The following FANCA variants were observed in gnomAD, a reference collection of about 807,000 sequenced individuals.
FANCA encodes Fanconi anemia group A protein.
Under a neutral mutation model 194.3 loss-of-function variants are expected in FANCA, and 236 were observed. The observed-to-expected ratio is 1.21, with a 90% confidence interval of 1.09 to 1.35. The LOEUF is 1.35. Among genes scored for constraint, FANCA ranks in the 40% most tolerant of loss-of-function variants. FANCA has a pLI of 0.00. For synonymous variants in FANCA, 1,014 were observed against 715.8 expected, an observed-to-expected ratio of 1.42 and a Z score of -6.65; for missense variants, 2,628 against 1,813.9, an observed-to-expected ratio of 1.45 and a Z score of -8.15.
At chr16:89,758,786 G>C in intron 29 of FANCA, 81 bp from the exon 30 acceptor site, 2 of 1,591,314 alleles carry the variant, frequency 1.3e-6, no homozygotes, top group South Asian at 1.1e-5. Flanking sequence ...TAGGCCCATA[G>C]TAAGGGACAC....
chr16:89,741,136 G>A (rs192157973), intron 37 of FANCA, among the ~76,000 whole-genome samples: 60 of 152,312 alleles, frequency 3.9e-4, no homozygotes, highest in African/African-American at 1.3e-3. Context: ...GACTGCTGCG[G>A]TCTCCTTGGC....
chr16:89,816,278 A>C, intron 1 of FANCA: 4 of 251,104 alleles, frequency 1.6e-5, no homozygotes, highest in Admixed American at 5.7e-5. Context: ...CCCGCCTGAC[A>C]GGGCGGCCGG....
chr16:89,769,919 G>A lies in FANCA; in HGVS notation c.2422C>T (p.Pro808Ser). ...LPEVDVGPPA[P>S]GAGLPVPALF... ...GCAGGGACAGGAAGGCCAGCACCAG[G>A]TGCAGGAGGACCCACATCCACCTCT... Residue 808 changes from proline to serine, a missense_variant, in exon 26 of 43, where the codon CCT becomes TCT. By Grantham distance (74) the Pro-to-Ser change is moderately conservative (BLOSUM62 -1). Coordinates refer to ENST00000389301, the MANE Select transcript of FANCA (RefSeq NM_000135.4). 6.2e-6 allele frequency: 10 copies of A among 1,614,054 alleles called. No homozygotes were observed. The highest frequency in any genetic ancestry group is 1.1e-5 in the South Asian group (1 of 91,084).
chr16:89,757,588 A>G (rs879415070), intron 30 of FANCA, among the ~76,000 whole-genome samples: 20 of 152,206 alleles, frequency 1.3e-4, no homozygotes, highest in Non-Finnish European at 2.6e-4. Flanking sequence ...GGCAGGAGAC[A>G]TGGGGGGAAG....
intron 29 of FANCA, among the ~76,000 whole-genome samples, chr16:89,760,415 CA>C (rs1567611155): frequency 6.6e-6 from 1 of 152,216 alleles, no homozygotes; most frequent in Non-Finnish European, 1.5e-5. Context: ...GACAGTGCTG[CA>C]TGTGCCTGGA....
In FANCA at chr16:89,738,935, G is replaced by C; in HGVS notation, c.4207C>G (p.Leu1403Val). 1 of 1,614,250 alleles carries C rather than the reference G, an allele frequency of 6.2e-7. No individual in the cohort carries two copies. Among genetic ancestry groups the C allele is most frequent in the Non-Finnish European group, 8.5e-7 (1 of 1,180,048 alleles). The change falls in exon 42 of 43, where the codon CTG becomes GTG. Residue 1403 changes from leucine (L) to valine (V), a missense_variant. Leu to Val is a conservative substitution (Grantham distance 32). Coordinates refer to ENST00000389301, the MANE Select transcript of FANCA (RefSeq NM_000135.4). ...VELITKARLFLLQLIPRCPKK... is the reference protein window; with the variant it reads ...VELITKARLFVLQLIPRCPKK... Reference sequence around the variant, plus strand: ...GGGCACCGAGGTATTAACTGCAGCAGAAAAAGACGAGCTTTTGTTATCAGT... The same window carrying C: ...GGGCACCGAGGTATTAACTGCAGCACAAAAAGACGAGCTTTTGTTATCAGT...
chr16:89,748,876 T>C, intron 32 of FANCA, 109 bp from the exon 33 acceptor site: 1 of 870,714 alleles, frequency 1.1e-6, no homozygotes, highest in Non-Finnish European at 1.9e-6. Flanking sequence ...CCAGGGCCAC[T>C]GTTGGAACCA....
rs756827151 is a variant in FANCA at position 89,746,813 on chromosome 16, G to A, written c.3408+18C>T. The A allele has an allele frequency of 1.9e-6, 3 of 1,569,480 alleles. No homozygotes were observed. The highest frequency in any genetic ancestry group is 2.7e-5 in the African/African-American group (2 of 73,690). ...GCGTTCTGAGAAGGCCACGAGAGGG[G>A]CTGAGGGAGCATCTCACCCTGAAGA... On this transcript the variant is annotated intron_variant, in intron 34 of 42. Coordinates refer to ENST00000389301, the MANE Select transcript of FANCA (RefSeq NM_000135.4).
chr16:89,760,062 G>C (rs1169665073), intron 29 of FANCA, among the ~76,000 whole-genome samples: 2 of 152,246 alleles, frequency 1.3e-5, no homozygotes, highest in African/African-American at 4.8e-5. Context: ...GGCACAGAAT[G>C]TATCTAAGTA....
chr16:89,803,036 T>C (rs901161273), intron 8 of FANCA, among the ~76,000 whole-genome samples: 18 of 152,198 alleles, frequency 1.2e-4, no homozygotes, highest in Admixed American at 1.2e-3. Flanking sequence ...AACTGCAACA[T>C]GTGAAATGTT....
At chr16:89,812,670 A>AAAAAAAAAAAAAAAAAAAAAAAT (rs1567655807) in intron 3 of FANCA, among the ~76,000 whole-genome samples, 1 of 148,814 alleles carries the variant, frequency 6.7e-6, no homozygotes, top group Non-Finnish European at 1.5e-5. Context: ...AAAAAAAAAA[A>AAAAAAAAAAAAAAAAAAAAAAAT]CTGTTAACTG....
intron 17 of FANCA, among the ~76,000 whole-genome samples, chr16:89,781,181 G>A (rs769607856): frequency 1.3e-5 from 2 of 151,716 alleles, no homozygotes; most frequent in African/African-American, 4.8e-5. Context: ...TGGCTAACAC[G>A]GTGAAACCCC....
chr16:89,781,349 A>G lies in FANCA; in HGVS notation c.1627-1392T>C, dbSNP rs538657733. On this transcript the variant is annotated intron_variant, in intron 17 of 42. Coordinates refer to ENST00000389301, the MANE Select transcript of FANCA (RefSeq NM_000135.4). ...ACTGCACTCCAGCCTGGGCAATAGA[A>G]CGAGACTCCATTCCAAAAAAAAAAA... is the stretch of plus-strand genomic sequence containing the variant. Among the ~76,000 whole-genome samples, 1,028 of 103,612 alleles carry G rather than the reference A, an allele frequency of 9.9e-3. 10 individuals carry two copies. The highest frequency in any genetic ancestry group is 0.019 in the Admixed American group (191 of 10,198). The allele number at this position is 103,612 out of a possible 152,430, so 68.0% of individuals were successfully genotyped here.
chr16:89,751,037 A>G (rs1457294705), intron 31 of FANCA, among the ~76,000 whole-genome samples: 1 of 152,064 alleles, frequency 6.6e-6, no homozygotes, highest in Non-Finnish European at 1.5e-5. Flanking sequence ...GACTATAGGT[A>G]CACACCACCA....
chr16:89,809,028 C>G (rs1204511276), intron 5 of FANCA, among the ~76,000 whole-genome samples: 3 of 152,004 alleles, frequency 2.0e-5, no homozygotes, highest in Non-Finnish European at 4.4e-5. Flanking sequence ...GCCTCAGCCT[C>G]CTGAGTAGCT....
intron 21 of FANCA, among the ~76,000 whole-genome samples, chr16:89,774,409 T>C (rs976416780): frequency 2.0e-5 from 3 of 151,894 alleles, no homozygotes; most frequent in African/African-American, 7.3e-5. Flanking sequence ...CCCTGTGGCA[T>C]CCCCAGCACA....
intron 39 of FANCA, 47 bp from the exon 40 acceptor site, chr16:89,739,600 A>G (rs370549589): frequency 3.9e-6 from 6 of 1,541,398 alleles, no homozygotes; most frequent in African/African-American, 2.7e-5. Context: ...ATCTCTGCCT[A>G]TTATCAGTGC....
intron 7 of FANCA, among the ~76,000 whole-genome samples, chr16:89,804,030 G>A (rs2040549144): frequency 6.6e-6 from 1 of 152,158 alleles, no homozygotes; most frequent in African/African-American, 2.4e-5. Context: ...ATCCTATTCT[G>A]AGGAATGTGA....
At chr16:89,772,000 C>T (rs574079229) in intron 22 of FANCA, among the ~76,000 whole-genome samples, 186 bp from the exon 23 acceptor site, 2 of 152,324 alleles carry the variant, frequency 1.3e-5, no homozygotes, top group African/African-American at 4.8e-5. Flanking sequence ...TGTGGTGCAG[C>T]ATGTGTCATG....
Sources: gnomAD v4.1 joint callset for allele counts (sites outside exome capture counted in the v4.1 genomes callset) on GRCh38, gnomAD v4.1.1 for gene constraint, MANE v1.5 for transcripts, NCBI Gene and HGNC (gene_info 2026-07-23, HGNC 2026-07-21) for gene names.